Variants in PKN2 observed in about 807,000 individuals in gnomAD.
PKN2 encodes protein kinase N2, also known as serine/threonine-protein kinase N2.
A neutral mutation model predicts 119.1 loss-of-function variants in PKN2; 38 were observed. That is an observed-to-expected ratio of 0.32 (90% CI 0.25 to 0.42). PKN2 has a LOEUF of 0.42. PKN2 is among the 10% of genes least tolerant of loss of function. The pLI is 1.00. For missense variants in PKN2, 850 were observed against 1,165.1 expected (o/e 0.73, Z 3.94); for synonymous variants, 390 against 384.9 (o/e 1.01, Z -0.15).
At chr1:88,766,927 T>A (rs957731598) in intron 3 of PKN2, among the ~76,000 whole-genome samples, 5 of 152,204 alleles carry the variant, frequency 3.3e-5, no homozygotes, top group African/African-American at 4.8e-5. Flanking sequence ...CACCTATTTT[T>A]AAAATAAAAT....
At chr1:88,785,990 GA>G in intron 7 of PKN2, 113 bp from the exon 8 acceptor site, 1 of 605,732 alleles carries the variant, frequency 1.7e-6, no homozygotes, top group South Asian at 2.3e-5. Flanking sequence ...TATTGATTAT[GA>G]AAAACTTTAT....
intron 2 of PKN2, among the ~76,000 whole-genome samples, chr1:88,752,411 C>A (rs1669039433): frequency 6.6e-6 from 1 of 152,008 alleles, no homozygotes; most frequent in Non-Finnish European, 1.5e-5. Context: ...TAAGTAAAAT[C>A]TTTACAAGGC....
At chr1:88,703,376 G>T (rs942450152) in intron 1 of PKN2, among the ~76,000 whole-genome samples, 6 of 151,958 alleles carry the variant, frequency 3.9e-5, no homozygotes, top group African/African-American at 1.2e-4. Context: ...AACAACTTCC[G>T]TATATCAGAC....
intron 15 of PKN2, among the ~76,000 whole-genome samples, chr1:88,811,673 G>A (rs759382479): frequency 2.6e-5 from 4 of 152,086 alleles, no homozygotes; most frequent in Non-Finnish European, 5.9e-5. Flanking sequence ...AGTCATTCTT[G>A]GTGCTCTTTT....
Position 88,835,518 on chromosome 1 carries a change from C to A in PKN2, c.*2070C>A, listed in dbSNP as rs1465204392. ...AATTAGAAGGCAGGGTCTATTTACACAATTAAGCTGAAGAAAGCACTAATT... is the reference window on the plus strand; with the variant it reads ...AATTAGAAGGCAGGGTCTATTTACAAAATTAAGCTGAAGAAAGCACTAATT... On this transcript the variant is annotated 3_prime_UTR_variant, in exon 22 of 22. Coordinates refer to ENST00000370521, the MANE Select transcript of PKN2 (RefSeq NM_006256.4). The A allele has an allele frequency of 1.3e-5, 2 of 152,234 alleles. No individual in the cohort carries two copies. The highest frequency in any genetic ancestry group is 4.8e-5 in the African/African-American group (2 of 41,366). The allele number at this position is 152,234 out of a possible 1,614,324, so 9.4% of individuals were successfully genotyped here. A position where few individuals can be genotyped will look rare whatever the true frequency, so the allele number is the denominator to read the frequency against.
chr1:88,799,021 T>C (rs17130608), intron 8 of PKN2, among the ~76,000 whole-genome samples: 7,828 of 151,902 alleles, frequency 0.052, 384 homozygotes, highest in African/African-American at 0.12. Flanking sequence ...GAATAAGATA[T>C]AAGATTAGAA....
At chr1:88,728,440 T>G (rs530608218) in intron 1 of PKN2, among the ~76,000 whole-genome samples, 1 of 152,234 alleles carries the variant, frequency 6.6e-6, no homozygotes, top group Non-Finnish European at 1.5e-5. Context: ...TTTGCTGTTA[T>G]CAAAATTTTT....
chr1:88,778,702 T>C (rs1670204627), intron 6 of PKN2, among the ~76,000 whole-genome samples: 4 of 152,076 alleles, frequency 2.6e-5, no homozygotes, highest in African/African-American at 7.3e-5. Flanking sequence ...GCTGTTTCTC[T>C]GCCTTCAAAG....
chr1:88,804,572 T>C, intron 9 of PKN2, 38 bp downstream of exon 9: 1 of 1,559,430 alleles, frequency 6.4e-7, no homozygotes, highest in Non-Finnish European at 8.8e-7. Context: ...ATAACTACAA[T>C]TGAAATTACA....
Position 88,697,348 on chromosome 1 carries a change from C to G in PKN2, c.48+12720C>G, listed in dbSNP as rs148641676. Among the ~76,000 whole-genome samples, 457 of 152,258 alleles carry G rather than the reference C, an allele frequency of 3.0e-3. 1 individual carries two copies. The highest frequency in any genetic ancestry group is 5.0e-3 in the Non-Finnish European group (340 of 67,996). The stretch of plus-strand genomic sequence containing the variant: ...AACATTATATGACCAATCTGCCAGA[C>G]CTGACTTCTCTAAATTTCCAAAAGC... On this transcript the variant is annotated intron_variant, in intron 1 of 21. Coordinates refer to ENST00000370521, the MANE Select transcript of PKN2 (RefSeq NM_006256.4).
At chr1:88,720,128 G>A (rs1432905556) in intron 1 of PKN2, among the ~76,000 whole-genome samples, 1 of 152,002 alleles carries the variant, frequency 6.6e-6, no homozygotes, top group Non-Finnish European at 1.5e-5. Context: ...CAACCTCTGG[G>A]GTTCAGCTGA....
rs779723190 is a variant in PKN2, at chr1:88,760,267, C to G, written c.395C>G (p.Ser132Cys). The G allele has an allele frequency of 6.3e-7, 1 of 1,576,404 alleles. No homozygotes were observed. Among genetic ancestry groups the G allele is most frequent in the Non-Finnish European group, 8.7e-7 (1 of 1,149,434 alleles). ...ACTCCAAATAATGACCCTCGTTGTT[C>G]TACTAGCAACAATAGATTGAAGGCC... ...PDTPNNDPRC[S>C]TSNNRLKALQ... is the part of the protein sequence containing the mutation. The change falls in exon 3 of 22, where the codon TCT becomes TGT. Residue 132 changes from serine (S) to cysteine (C), a missense_variant. By Grantham distance (112) the Ser-to-Cys change is moderately radical (BLOSUM62 -1). Around this residue, in one of 9 missense-constraint regions of PKN2, gnomAD observed 350 missense variants for 511.1 expected, o/e 0.68. Coordinates refer to ENST00000370521, the MANE Select transcript of PKN2 (RefSeq NM_006256.4).
Position 88,788,855 on chromosome 1 carries a change from G to C in PKN2, c.1281+2642G>C, listed in dbSNP as rs6694313. On this transcript the variant is annotated intron_variant, in intron 8 of 21. Coordinates refer to ENST00000370521, the MANE Select transcript of PKN2 (RefSeq NM_006256.4). Reference sequence around the variant, plus strand: ...AGCTATGCAATTTTTCATTTTTCCTGAATTCCCTCAGCCTTCCTGTTATAA... The same window carrying C: ...AGCTATGCAATTTTTCATTTTTCCTCAATTCCCTCAGCCTTCCTGTTATAA... Among the ~76,000 whole-genome samples, 688 of 152,118 alleles carry C rather than the reference G, an allele frequency of 4.5e-3. 2 individuals are homozygous for C. Among genetic ancestry groups the C allele is most frequent in the African/African-American group, 0.016 (646 of 41,486 alleles).
chr1:88,768,439 G>A (rs1669751223), intron 3 of PKN2, among the ~76,000 whole-genome samples: 1 of 152,192 alleles, frequency 6.6e-6, no homozygotes, highest in South Asian at 2.1e-4. Flanking sequence ...TTCTAAGCTA[G>A]CAATAGCAGG....
intron 1 of PKN2, among the ~76,000 whole-genome samples, chr1:88,732,157 T>C (rs776166510): frequency 6.6e-6 from 1 of 152,152 alleles, no homozygotes; most frequent in Admixed American, 6.6e-5. Flanking sequence ...GTATAAGATA[T>C]GATTATAAGC....
intron 7 of PKN2, among the ~76,000 whole-genome samples, chr1:88,785,150 T>G (rs1023340655): frequency 2.6e-5 from 4 of 152,184 alleles, no homozygotes; most frequent in Admixed American, 2.6e-4. Flanking sequence ...TTATTTTTCT[T>G]TATTTTTTGA....
intron 2 of PKN2, among the ~76,000 whole-genome samples, chr1:88,759,132 A>T (rs535196170): frequency 6.6e-6 from 1 of 152,364 alleles, no homozygotes; most frequent in Admixed American, 6.5e-5. Flanking sequence ...TGGGAGGCCA[A>T]GGCGGGCAGA....
chr1:88,807,720 T>A lies in PKN2; in HGVS notation c.2047T>A (p.Phe683Ile). ...TGAATATAAAAACACAAATGAGATG[T>A]TTGCTATAAAAGCCTTAAAGAAAGG... ...LAEYKNTNEM[F>I]AIKALKKGDI... The change falls in exon 15 of 22, where the codon TTT (phenylalanine) becomes ATT (isoleucine). Residue 683 changes from phenylalanine to isoleucine, a missense_variant. Around this residue, in one of 9 missense-constraint regions of PKN2, gnomAD observed 216 missense variants for 252.8 expected, o/e 0.85. Transcript: ENST00000370521. The A allele has an allele frequency of 6.2e-7, 1 of 1,603,904 alleles. No homozygotes were observed. Among genetic ancestry groups the A allele is most frequent in the Non-Finnish European group, 8.5e-7 (1 of 1,174,226 alleles).
At chr1:88,737,485 C>T (rs1557577207) in intron 1 of PKN2, among the ~76,000 whole-genome samples, 1 of 152,126 alleles carries the variant, frequency 6.6e-6, no homozygotes, top group South Asian at 2.1e-4. Flanking sequence ...AGCTGTGCTG[C>T]CTAGGGTTGG....
Sources: gnomAD v4.1 joint callset for allele counts (sites outside exome capture counted in the v4.1 genomes callset) on GRCh38, gnomAD v4.1.1 for gene constraint, gnomAD v4.1.1 regional missense constraint, MANE v1.5 for transcripts, NCBI Gene and HGNC (gene_info 2026-07-23, HGNC 2026-07-21) for gene names.